RAB3B: variants seen among roughly 807,000 people sequenced by gnomAD.
RAB3B encodes the protein ras-related protein Rab-3B.
In RAB3B, 11 loss-of-function variants were observed where a neutral mutation model predicts 20.5. The observed-to-expected ratio is 0.54, with a 90% CI of 0.34 to 0.89. RAB3B has a LOEUF of 0.89. Among genes scored for constraint, RAB3B ranks in the 40% least tolerant of loss-of-function variants. The pLI is 0.02. For synonymous variants in RAB3B, 99 were observed against 106.3 expected (o/e 0.93, Z 0.42); for missense variants, 225 against 280.9 (o/e 0.80, Z 1.42).
At chr1:51,971,092 A>G (rs1378439411) in intron 2 of RAB3B, among the ~76,000 whole-genome samples, 2 of 151,972 alleles carry the variant, frequency 1.3e-5, no homozygotes, top group Non-Finnish European at 2.9e-5. Context: ...AAAGGAAGGA[A>G]CCCAATATTT....
intron 2 of RAB3B, among the ~76,000 whole-genome samples, chr1:51,969,449 T>G (rs1010806164): frequency 1.3e-5 from 2 of 152,194 alleles, no homozygotes; most frequent in African/African-American, 4.8e-5. Flanking sequence ...CTGGGCCACA[T>G]GGACTTTGAC....
At chr1:51,962,941 A>G (rs1382338810) in intron 2 of RAB3B, among the ~76,000 whole-genome samples, 1 of 152,124 alleles carries the variant, frequency 6.6e-6, no homozygotes. Context: ...CAAAAAAACA[A>G]AACAAAACAC....
At chr1:51,964,506 G>A (rs1259233600) in intron 2 of RAB3B, among the ~76,000 whole-genome samples, 1 of 152,084 alleles carries the variant, frequency 6.6e-6, no homozygotes, top group Non-Finnish European at 1.5e-5. Flanking sequence ...ACATATACAT[G>A]CAGACTCATT....
chr1:51,976,025 AT>A (rs2124310815), intron 2 of RAB3B, among the ~76,000 whole-genome samples: 1 of 151,906 alleles, frequency 6.6e-6, no homozygotes, highest in Admixed American at 6.6e-5. Context: ...GCTCCAGTGT[AT>A]GTTTCAGATG....
Position 51,937,400 on chromosome 1 carries a change from GC to G in RAB3B, c.240del (p.Gln81ArgfsTer20). On this transcript the variant is annotated frameshift_variant, in exon 3 of 5. Transcript: ENST00000371655. LOFTEE classifies it high-confidence loss of function. Reference protein sequence around the residue: ...RVKLQIWDTAGQERYRTITTA... With the variant: ...RVKLQIWDTAXQERYRTITTA... The stretch of plus-strand genomic sequence containing the variant: ...GTTGTGATGGTCCGGTACCGCTCCT[GC>G]CCAGCTGTGTCCTGGGCAGGAAAAG... The G allele has an allele frequency of 6.3e-7, 1 of 1,598,686 alleles. No homozygotes were observed. Among genetic ancestry groups the G allele is most frequent in the Non-Finnish European group, 8.5e-7 (1 of 1,174,406 alleles).
intron 4 of RAB3B, among the ~76,000 whole-genome samples, chr1:51,925,380 C>A (rs912746307): frequency 1.3e-5 from 2 of 152,200 alleles, no homozygotes; most frequent in Non-Finnish European, 2.9e-5. Flanking sequence ...GATGGACCTT[C>A]TCTTCCATTT....
At chr1:51,929,686 C>G (rs1684296700) in intron 4 of RAB3B, among the ~76,000 whole-genome samples, 1 of 152,154 alleles carries the variant, frequency 6.6e-6, no homozygotes, top group South Asian at 2.1e-4. Flanking sequence ...AGTCCTAACT[C>G]AAGTAGAACT....
At chr1:51,976,789 T>C (rs1685014938) in intron 2 of RAB3B, 101 bp downstream of exon 2, 1 of 1,012,154 alleles carries the variant, frequency 9.9e-7, no homozygotes, top group Non-Finnish European at 1.5e-6. Context: ...TGCCTGATGC[T>C]GTAAGGCCCA....
chr1:51,963,509 G>A (rs898408608), intron 2 of RAB3B, among the ~76,000 whole-genome samples: 2 of 152,136 alleles, frequency 1.3e-5, no homozygotes, highest in Non-Finnish European at 2.9e-5. Context: ...ACACAACCAT[G>A]CTTCAAATTC....
chr1:51,933,592 TAG>T (rs1275127945), intron 3 of RAB3B, 150 bp from the exon 4 acceptor site: 1 of 685,898 alleles, frequency 1.5e-6, no homozygotes, highest in Non-Finnish European at 2.4e-6. Context: ...TCAATGAGGC[TAG>T]AGTCCTAATA....
chr1:51,923,905 A>C (rs1390685589), intron 4 of RAB3B, among the ~76,000 whole-genome samples: 1 of 151,958 alleles, frequency 6.6e-6, no homozygotes, highest in Non-Finnish European at 1.5e-5. Context: ...TCTTCACCTA[A>C]CTTCTTCTCA....
rs201164667 is a variant in RAB3B, at chr1:51,963,454, AT to A, written c.228+13435del. ...TTTACTTAAAGTCAACTCTTTGCCT[AT>A]TCTATGCCTTTATCCTCAGAGCAAA... On this transcript the variant is annotated intron_variant, in intron 2 of 4. Transcript: ENST00000371655. Among the ~76,000 whole-genome samples, 1,044 of 152,324 alleles carry A rather than the reference AT, an allele frequency of 6.9e-3. 20 individuals are homozygous for A. The highest frequency in any genetic ancestry group is 0.024 in the African/African-American group (1,013 of 41,572).
chr1:51,927,702 C>G (rs549828861), intron 4 of RAB3B, among the ~76,000 whole-genome samples: 9 of 152,296 alleles, frequency 5.9e-5, no homozygotes, highest in African/African-American at 1.9e-4. Context: ...GATCAGGAGA[C>G]TGAGGCAGGA....
chr1:51,970,556 C>T (rs1199481077), intron 2 of RAB3B, among the ~76,000 whole-genome samples: 1 of 152,120 alleles, frequency 6.6e-6, no homozygotes, highest in Non-Finnish European at 1.5e-5. Flanking sequence ...TTGTGGGTGG[C>T]CCTGCTCAGC....
At chr1:51,983,656 C>T (rs1685115469) in intron 1 of RAB3B, among the ~76,000 whole-genome samples, 1 of 152,082 alleles carries the variant, frequency 6.6e-6, no homozygotes, top group South Asian at 2.1e-4. Flanking sequence ...ACCAAAAGTA[C>T]TACAAAAATA....
At chr1:51,933,226 C>A in intron 4 of RAB3B, 92 bp downstream of exon 4, 1 of 1,373,868 alleles carries the variant, frequency 7.3e-7, no homozygotes, top group Admixed American at 2.1e-5. Flanking sequence ...ACACTAATGT[C>A]ATAAATACAA....
intron 4 of RAB3B, among the ~76,000 whole-genome samples, chr1:51,923,750 C>G (rs1684205746): frequency 6.7e-6 from 1 of 148,830 alleles, no homozygotes; most frequent in African/African-American, 2.5e-5. Flanking sequence ...CTGAGCAAAA[C>G]TGGCTAGGTG....
intron 1 of RAB3B, chr1:51,980,429 CA>C (rs374673437): frequency 0.092 from 34,651 of 377,046 alleles, no homozygotes; most frequent in South Asian, 0.12. Context: ...CTGTCTCTAC[CA>C]AAAAAAAAAA....
intron 2 of RAB3B, among the ~76,000 whole-genome samples, chr1:51,953,674 G>A (rs1046838510): frequency 1.3e-5 from 2 of 152,158 alleles, no homozygotes; most frequent in Admixed American, 6.5e-5. Context: ...AGTGGCGCAC[G>A]CCTGTAGTCC....
Sources: allele counts gnomAD v4.1 joint callset (sites outside exome capture counted in the v4.1 genomes callset), GRCh38; gene constraint gnomAD v4.1.1; transcripts MANE v1.5; gene names NCBI Gene and HGNC (gene_info 2026-07-23, HGNC 2026-07-21).